LARGE1: variants seen among roughly 807,000 people sequenced by gnomAD.
The protein encoded by LARGE1 is LARGE xylosyl- and glucuronyltransferase 1, also known as xylosyl- and glucuronyltransferase LARGE1.
In LARGE1, 43 loss-of-function variants were observed where a neutral mutation model predicts 87.6. The observed-to-expected ratio is 0.49, with a 90% CI of 0.38 to 0.63. The LOEUF (loss-of-function observed/expected upper bound fraction) is 0.63. Ranked by LOEUF, LARGE1 falls within the 30% of genes least tolerant of loss-of-function variation. The pLI is 0.00. For missense variants in LARGE1, 802 were observed against 1,000.2 expected, an observed-to-expected ratio of 0.80 and a Z score of 2.67; for synonymous variants, 434 against 394.6, an observed-to-expected ratio of 1.10 and a Z score of -1.18.
intron 6 of LARGE1, among the ~76,000 whole-genome samples, chr22:33,481,309 TTTTG>T (rs1257125246): frequency 6.6e-6 from 1 of 152,110 alleles, no homozygotes; most frequent in Non-Finnish European, 1.5e-5. Context: ...GTTTTCAATT[TTTTG>T]TTTACTTTGT....
At chr22:33,907,833 G>A (rs574711570) in intron 1 of LARGE1, among the ~76,000 whole-genome samples, 29 of 152,148 alleles carry the variant, frequency 1.9e-4, no homozygotes, top group Middle Eastern at 3.4e-3. Context: ...TCCTGACCTC[G>A]TGATCCACCC....
chr22:33,853,260 C>T (rs1447768718), intron 1 of LARGE1, among the ~76,000 whole-genome samples: 1 of 152,120 alleles, frequency 6.6e-6, no homozygotes, highest in Non-Finnish European at 1.5e-5. Context: ...CTATAATGAA[C>T]AGGATATAAG....
intron 11 of LARGE1, among the ~76,000 whole-genome samples, chr22:33,236,037 G>A (rs1391320151): frequency 2.0e-5 from 3 of 152,186 alleles, no homozygotes; most frequent in African/African-American, 7.2e-5. Context: ...TGGAGGCAGA[G>A]ACGAGTGATG....
chr22:33,074,033 T>C, the LARGE1 span, among the ~76,000 whole-genome samples: 1 of 152,160 alleles, frequency 6.6e-6, no homozygotes, highest in Non-Finnish European at 1.5e-5. Flanking sequence ...TATTGTCTGC[T>C]CATTCTGGTG....
At position 33,756,608 on chromosome 22, in the gene LARGE1, G is replaced by A. The variant is rs554740746; in HGVS notation, c.106+4763C>T. ...GGGAAGAGCAGAGCCCACAGAGGGC[G>A]ATGTACACCAGGACTTAAAAGAATC... is the stretch of plus-strand genomic sequence containing the variant. On this transcript the variant is annotated intron_variant, in intron 2 of 14. Coordinates refer to ENST00000397394, the MANE Select transcript of LARGE1 (RefSeq NM_133642.5). 5.1e-4 allele frequency among the ~76,000 whole-genome samples: 77 copies of A among 152,290 alleles called. 1 individual carries two copies. The South Asian group carries it at 0.015, about 30-fold the overall frequency.
intron 7 of LARGE1, among the ~76,000 whole-genome samples, chr22:33,403,120 T>C (rs1305296900): frequency 6.6e-6 from 1 of 152,090 alleles, no homozygotes; most frequent in Non-Finnish European, 1.5e-5. Context: ...AGAGCTGCAG[T>C]TATTGTAGGT....
chr22:33,146,997 T>C, the LARGE1 span, among the ~76,000 whole-genome samples: 1 of 152,210 alleles, frequency 6.6e-6, no homozygotes, highest in Non-Finnish European at 1.5e-5. Context: ...TCATGAAATA[T>C]AAAATCTTTT....
At chr22:33,622,646 C>T (rs1171502195) in intron 4 of LARGE1, among the ~76,000 whole-genome samples, 5 of 152,200 alleles carry the variant, frequency 3.3e-5, no homozygotes, top group Non-Finnish European at 7.3e-5. Flanking sequence ...GCAGATCTGT[C>T]CAGCCCGCTG....
chr22:33,331,272 A>C (rs1490301441), intron 10 of LARGE1, among the ~76,000 whole-genome samples: 1 of 152,148 alleles, frequency 6.6e-6, no homozygotes, highest in Non-Finnish European at 1.5e-5. Flanking sequence ...GTGTCTATTA[A>C]ATGAGCGATT....
chr22:33,699,851 T>C (rs1444652430), intron 2 of LARGE1, among the ~76,000 whole-genome samples: 2 of 152,208 alleles, frequency 1.3e-5, no homozygotes, highest in African/African-American at 4.8e-5. Flanking sequence ...TGAATTTGTT[T>C]GGAAAAAAAT....
At chr22:33,889,360 C>A (rs2064945102) in intron 1 of LARGE1, 1 of 152,208 alleles carries the variant, frequency 6.6e-6, no homozygotes, top group Non-Finnish European at 1.5e-5. Context: ...TTTCTTAGCG[C>A]CATTTATGAC....
chr22:33,330,123 G>A (rs1044603158), intron 10 of LARGE1, among the ~76,000 whole-genome samples: 6 of 152,118 alleles, frequency 3.9e-5, no homozygotes, highest in South Asian at 2.1e-4. Flanking sequence ...AGCATCTGGA[G>A]CTTTCCAATA....
At chr22:33,464,551 T>A (rs1409988603) in intron 6 of LARGE1, among the ~76,000 whole-genome samples, 2 of 151,952 alleles carry the variant, frequency 1.3e-5, no homozygotes, top group African/African-American at 4.8e-5. Context: ...ACAAAAAAAA[T>A]GGGCAAAAGA....
chr22:33,112,832 G>C, the LARGE1 span, among the ~76,000 whole-genome samples: 2 of 152,214 alleles, frequency 1.3e-5, no homozygotes, highest in East Asian at 3.9e-4. Context: ...TTTTTAGTCT[G>C]GTACAAAAAG....
At chr22:33,332,549 C>T (rs1308992508) in intron 10 of LARGE1, among the ~76,000 whole-genome samples, 1 of 152,184 alleles carries the variant, frequency 6.6e-6, no homozygotes, top group Non-Finnish European at 1.5e-5. Flanking sequence ...CATCTAGGAT[C>T]TCAAGTCCAA....
chr22:33,889,233 T>C (rs2064941235), intron 1 of LARGE1: 1 of 152,216 alleles, frequency 6.6e-6, no homozygotes, highest in Non-Finnish European at 1.5e-5. Flanking sequence ...ATTCTTATTC[T>C]ATTGTATTGT....
chr22:33,651,433 T>G (rs1471790730), intron 2 of LARGE1, among the ~76,000 whole-genome samples: 1 of 146,236 alleles, frequency 6.8e-6, no homozygotes, highest in African/African-American at 2.5e-5. Context: ...TAATAATGAC[T>G]AAGTTTATTG....
At chr22:33,616,125 A>G (rs2079573243) in intron 4 of LARGE1, among the ~76,000 whole-genome samples, 1 of 149,100 alleles carries the variant, frequency 6.7e-6, no homozygotes, top group African/African-American at 2.6e-5. Flanking sequence ...AATTAAGCAT[A>G]AAAATAAAAA....
intron 6 of LARGE1, among the ~76,000 whole-genome samples, chr22:33,476,230 C>A (rs549176436): frequency 2.0e-5 from 3 of 152,200 alleles, no homozygotes; most frequent in Non-Finnish European, 2.9e-5. Context: ...CAAACGCATA[C>A]CTGGATTGCT....
Sources: gnomAD v4.1 joint callset for allele counts (sites outside exome capture counted in the v4.1 genomes callset) on GRCh38, gnomAD v4.1.1 for gene constraint, MANE v1.5 for transcripts, NCBI Gene and HGNC (gene_info 2026-07-23, HGNC 2026-07-21) for gene names.